DTNB: variants seen among roughly 807,000 people sequenced by gnomAD.
DTNB encodes the protein DTN-B.
A neutral mutation model predicts 90.7 loss-of-function variants in DTNB; 63 were observed. The ratio of observed to expected loss-of-function variants is 0.69; its 90% CI spans 0.57 to 0.86. The LOEUF (loss-of-function observed/expected upper bound fraction) is 0.86. Among genes scored for constraint, DTNB ranks in the 40% least tolerant of loss-of-function variants. The pLI, the probability that DTNB is intolerant of heterozygous loss-of-function variation, is 0.00. For missense variants in DTNB, 744 were observed against 807.1 expected, an observed-to-expected ratio of 0.92 and a Z score of 0.95; for synonymous variants, 277 against 286.7, an observed-to-expected ratio of 0.97 and a Z score of 0.34.
At chr2:25,437,138 G>C (rs1345568700) in intron 12 of DTNB, among the ~76,000 whole-genome samples, 3 of 152,182 alleles carry the variant, frequency 2.0e-5, no homozygotes, top group Non-Finnish European at 4.4e-5. Context: ...TTCCCCTAGG[G>C]GCAGCTGGTG....
At chr2:25,451,444 G>A (rs949285581) in intron 12 of DTNB, 104 bp downstream of exon 12, 1 of 1,221,184 alleles carries the variant, frequency 8.2e-7, no homozygotes, top group South Asian at 1.7e-5. Context: ...AAGTGTCCCC[G>A]AGGTACCTGT....
chr2:25,500,282 A>G (rs1022385479), intron 9 of DTNB, among the ~76,000 whole-genome samples: 5 of 152,200 alleles, frequency 3.3e-5, no homozygotes, highest in African/African-American at 2.4e-5. Flanking sequence ...CTCAACTGAC[A>G]TGAATTTTAA....
intron 1 of DTNB, among the ~76,000 whole-genome samples, chr2:25,658,852 C>T (rs1191709013): frequency 1.3e-5 from 2 of 152,194 alleles, no homozygotes; most frequent in East Asian, 3.8e-4. Context: ...GGAAACATGA[C>T]ACTATGTGTT....
At position 25,669,884 on chromosome 2, in the gene DTNB, G is replaced by A. The variant is rs186613840; in HGVS notation, c.-2+3502C>T. 7.9e-3 allele frequency among the ~76,000 whole-genome samples: 1,192 copies of A among 150,308 alleles called. 8 individuals carry two copies. The highest frequency in any genetic ancestry group is 0.01 in the Non-Finnish European group (708 of 67,760). ...AGTGCCACTGCACTCCAGTCTGGGC[G>A]ACAGAGGAAGACCCTATCTCAAAAA... On this transcript the variant is annotated intron_variant, in intron 1 of 20. Transcript: ENST00000406818.
At chr2:25,467,187 T>C (rs577801874) in intron 10 of DTNB, among the ~76,000 whole-genome samples, 7 of 152,348 alleles carry the variant, frequency 4.6e-5, no homozygotes, top group African/African-American at 1.7e-4. Context: ...ATATTTGTTA[T>C]TCTAAATTTC....
chr2:25,380,176 T>A (rs2037207825), intron 19 of DTNB, among the ~76,000 whole-genome samples: 1 of 152,216 alleles, frequency 6.6e-6, no homozygotes, highest in South Asian at 2.1e-4. Context: ...TATGTTTGCC[T>A]GATGGTGCTG....
At position 25,524,568 on chromosome 2, in the gene DTNB, G is replaced by A. The variant is rs562596942; in HGVS notation, c.1001+6905C>T. On this transcript the variant is annotated intron_variant, in intron 9 of 20. Transcript: ENST00000406818. ...AGTTACTACAGCTGACCAGTATCTG[G>A]TTCTCCTCTCCTCCCTAGGTACACA... is the stretch of plus-strand genomic sequence containing the variant. Among the ~76,000 whole-genome samples the A allele has an allele frequency of 8.5e-5, 13 of 152,118 alleles. No homozygotes were observed. The South Asian group carries it at 2.7e-3, about 32-fold the overall frequency.
chr2:25,433,933 A>C lies in DTNB; in HGVS notation c.1320T>G (p.Ile440Met). 1 of 1,613,906 alleles carries C rather than the reference A, an allele frequency of 6.2e-7. No homozygotes were observed. Among genetic ancestry groups the C allele is most frequent in the African/African-American group, 1.3e-5 (1 of 75,034 alleles). Residue 440 changes from isoleucine to methionine, a missense_variant, in exon 13 of 21, where the codon ATT (isoleucine) becomes ATG (methionine). Ile to Met is a conservative substitution (Grantham distance 10). Transcript: ENST00000406818. ...FDANKQQRQL[I>M]AELENKNREI... ...ACCTGTTTTTGTTTTCCAGTTCTGC[A>C]ATAAGCTGTCTTTGTTGTTTGTTGG...
chr2:25,461,901 G>A (rs576945146), intron 10 of DTNB, among the ~76,000 whole-genome samples: 1 of 152,334 alleles, frequency 6.6e-6, no homozygotes, highest in East Asian at 1.9e-4. Context: ...AACGACCACA[G>A]AGCTAAAATG....
chr2:25,406,682 C>T (rs1448142383), intron 16 of DTNB, among the ~76,000 whole-genome samples: 2 of 152,116 alleles, frequency 1.3e-5, no homozygotes, highest in Non-Finnish European at 2.9e-5. Context: ...CCGAATGTCA[C>T]TAATGCTGAG....
At chr2:25,639,218 G>T in intron 2 of DTNB, 124 bp from the exon 3 acceptor site, 1 of 886,236 alleles carries the variant, frequency 1.1e-6, no homozygotes. Context: ...TAAAAACGGT[G>T]GGTCAATTAA....
At chr2:25,658,793 C>A (rs973940974) in intron 1 of DTNB, among the ~76,000 whole-genome samples, 3 of 152,012 alleles carry the variant, frequency 2.0e-5, no homozygotes, top group African/African-American at 7.2e-5. Context: ...AGGTGAAGCA[C>A]GGGGCAATTT....
chr2:25,637,857 G>A (rs1445795976), intron 3 of DTNB, among the ~76,000 whole-genome samples: 4 of 152,122 alleles, frequency 2.6e-5, no homozygotes, highest in African/African-American at 9.7e-5. Flanking sequence ...TCCCATTACT[G>A]GGTATATACC....
intron 16 of DTNB, among the ~76,000 whole-genome samples, chr2:25,389,893 T>C (rs1247133110): frequency 1.3e-5 from 2 of 151,668 alleles, no homozygotes; most frequent in African/African-American, 4.9e-5. Context: ...TATGTGTATT[T>C]TGAGAAGTTA....
At chr2:25,630,135 T>C (rs551322212) in intron 3 of DTNB, among the ~76,000 whole-genome samples, 335 of 152,332 alleles carry the variant, frequency 2.2e-3, no homozygotes, top group African/African-American at 7.9e-3. Context: ...CATGAAAAGA[T>C]GCTCAACATC....
chr2:25,596,347 T>C, intron 5 of DTNB, 107 bp from the exon 6 acceptor site: 3 of 1,271,484 alleles, frequency 2.4e-6, no homozygotes, highest in Non-Finnish European at 3.2e-6. Context: ...TAAAAAAGTA[T>C]CATAAAATTA....
intron 4 of DTNB, among the ~76,000 whole-genome samples, chr2:25,627,893 C>A (rs13405103): frequency 6.6e-6 from 1 of 152,012 alleles, no homozygotes; most frequent in Non-Finnish European, 1.5e-5. Flanking sequence ...CCCACCACCA[C>A]GCCCGGCTAA....
intron 9 of DTNB, among the ~76,000 whole-genome samples, chr2:25,508,809 T>C (rs1017949629): frequency 1.3e-5 from 2 of 152,154 alleles, no homozygotes. Flanking sequence ...GCTGGGATTA[T>C]AGGCGTGAGC....
At chr2:25,585,327 C>T (rs2062185473) in intron 6 of DTNB, among the ~76,000 whole-genome samples, 1 of 152,150 alleles carries the variant, frequency 6.6e-6, no homozygotes, top group Admixed American at 6.5e-5. Flanking sequence ...CTTTTAACAG[C>T]TGCCTGATCC....
Sources: allele counts gnomAD v4.1 joint callset (sites outside exome capture counted in the v4.1 genomes callset), GRCh38; gene constraint gnomAD v4.1.1; transcripts MANE v1.5; gene names NCBI Gene and HGNC (gene_info 2026-07-23, HGNC 2026-07-21).